COL4A1: variants seen among roughly 807,000 people sequenced by gnomAD.
COL4A1 encodes the protein collagen type IV alpha 1 chain, also known as collagen alpha-1(IV) chain.
COL4A1 carries 40 observed loss-of-function variants against 216.6 expected under a neutral mutation model. The observed-to-expected ratio is 0.18, with a 90% CI of 0.14 to 0.24. COL4A1 has a LOEUF of 0.24. Ranked by LOEUF, COL4A1 falls within the 10% of genes least tolerant of loss-of-function variation. COL4A1 has a pLI of 1.00. For missense variants in COL4A1, 1,628 were observed against 2,196.8 expected (o/e 0.74, Z 5.18); for synonymous variants, 839 against 810.7 (o/e 1.03, Z -0.59).
chr13:110,293,111 G>A (rs999932174), intron 1 of COL4A1, among the ~76,000 whole-genome samples: 9 of 152,158 alleles, frequency 5.9e-5, no homozygotes, highest in East Asian at 5.8e-4. Context: ...CAAGGTCACC[G>A]TGCAGGAACA....
chr13:110,173,783 G>T, intron 40 of COL4A1, 117 bp downstream of exon 40: 1 of 1,142,062 alleles, frequency 8.8e-7, no homozygotes, highest in Non-Finnish European at 1.3e-6. Flanking sequence ...TAGTTGCAGG[G>T]ATGTGCAGTC....
At chr13:110,210,284 A>G in intron 8 of COL4A1, 72 bp from the exon 9 acceptor site, 1 of 1,416,420 alleles carries the variant, frequency 7.1e-7, no homozygotes, top group Non-Finnish European at 9.9e-7. Context: ...AAACTCTTTG[A>G]TAGTTGGCAT....
At chr13:110,205,245 G>A (rs1000594697) in intron 17 of COL4A1, 108 bp downstream of exon 17, 2 of 1,330,740 alleles carry the variant, frequency 1.5e-6, no homozygotes, top group Non-Finnish European at 2.1e-6. Flanking sequence ...AAGCATAAAT[G>A]ATTTTTTTCC....
chr13:110,150,614 G>A (rs1022983641), intron 51 of COL4A1, among the ~76,000 whole-genome samples, 170 bp from the exon 52 acceptor site: 12 of 152,184 alleles, frequency 7.9e-5, no homozygotes, highest in East Asian at 1.9e-4. Context: ...GTGCACACAC[G>A]GTCCCACGCA....
chr13:110,269,162 G>C (rs758856148), intron 1 of COL4A1, among the ~76,000 whole-genome samples: 2 of 152,172 alleles, frequency 1.3e-5, no homozygotes, highest in African/African-American at 2.4e-5. Context: ...TTTAAGGAAA[G>C]TTCCAGAAAA....
At chr13:110,253,249 A>G (rs1426930849) in intron 1 of COL4A1, among the ~76,000 whole-genome samples, 1 of 140,706 alleles carries the variant, frequency 7.1e-6, no homozygotes, top group East Asian at 2.1e-4. Context: ...AGGTATATAT[A>G]CATATAATTA....
chr13:110,213,514 TGAA>T, intron 4 of COL4A1, among the ~76,000 whole-genome samples: 1 of 152,224 alleles, frequency 6.6e-6, no homozygotes, highest in East Asian at 1.9e-4. Context: ...AAGAGATTCC[TGAA>T]GAAGAACAAA....
At chr13:110,287,959 T>A (rs929886370) in intron 1 of COL4A1, among the ~76,000 whole-genome samples, 1 of 152,074 alleles carries the variant, frequency 6.6e-6, no homozygotes, top group African/African-American at 2.4e-5. Context: ...ATTGGTGAAT[T>A]CAAGAAGCCT....
At chr13:110,252,823 T>C (rs1436869162) in intron 1 of COL4A1, among the ~76,000 whole-genome samples, 1 of 133,852 alleles carries the variant, frequency 7.5e-6, no homozygotes, top group Non-Finnish European at 1.6e-5. Flanking sequence ...TATAAGTACG[T>C]ATGTATTACA....
At chr13:110,242,841 G>T in intron 1 of COL4A1, 107 bp from the exon 2 acceptor site, 2 of 1,230,348 alleles carry the variant, frequency 1.6e-6, no homozygotes, top group Non-Finnish European at 2.4e-6. Flanking sequence ...AGCGAAGCCT[G>T]CCCTGTCCTT....
chr13:110,210,498 A>G (rs1879741742), intron 8 of COL4A1, among the ~76,000 whole-genome samples: 1 of 151,954 alleles, frequency 6.6e-6, no homozygotes, highest in African/African-American at 2.4e-5. Context: ...ACCACCCCCA[A>G]CTCTAGACAA....
intron 2 of COL4A1, 55 bp downstream of exon 2, chr13:110,242,620 G>T: frequency 6.4e-7 from 1 of 1,556,350 alleles, no homozygotes; most frequent in Non-Finnish European, 8.9e-7. Context: ...TGTTAATGTA[G>T]TACTTACTGT....
chr13:110,232,999 G>C (rs1326617658), intron 2 of COL4A1, among the ~76,000 whole-genome samples: 2 of 152,176 alleles, frequency 1.3e-5, no homozygotes, highest in African/African-American at 4.8e-5. Flanking sequence ...GTTCGGGAAC[G>C]GGATGTGTGT....
intron 1 of COL4A1, among the ~76,000 whole-genome samples, chr13:110,251,280 T>C (rs532230661): frequency 1.3e-5 from 2 of 152,326 alleles, no homozygotes; most frequent in East Asian, 3.9e-4. Context: ...GCTTCTGCCT[T>C]CACTTTCAAC....
intron 1 of COL4A1, among the ~76,000 whole-genome samples, chr13:110,269,426 G>A (rs1279172111): frequency 6.6e-6 from 1 of 152,136 alleles, no homozygotes; most frequent in African/African-American, 2.4e-5. Context: ...TAGTTCACAG[G>A]CATGTAGAAA....
intron 1 of COL4A1, among the ~76,000 whole-genome samples, chr13:110,256,283 T>C (rs1198014403): frequency 6.6e-6 from 1 of 152,100 alleles, no homozygotes; most frequent in Non-Finnish European, 1.5e-5. Flanking sequence ...GAAAAACACA[T>C]CAAAAAAACT....
At chr13:110,302,087 A>T (rs1010819600) in intron 1 of COL4A1, among the ~76,000 whole-genome samples, 17 of 152,162 alleles carry the variant, frequency 1.1e-4, no homozygotes, top group Non-Finnish European at 1.9e-4. Flanking sequence ...AGGGAGTCCC[A>T]GCCGTGGGAA....
intron 2 of COL4A1, among the ~76,000 whole-genome samples, chr13:110,221,980 G>A (rs551252400): frequency 6.6e-6 from 1 of 152,124 alleles, no homozygotes; most frequent in East Asian, 1.9e-4. Flanking sequence ...CAGACAGTGC[G>A]TTCTCTGGAA....
intron 1 of COL4A1, among the ~76,000 whole-genome samples, chr13:110,272,215 T>C (rs1480612894): frequency 6.6e-6 from 1 of 152,248 alleles, no homozygotes; most frequent in Non-Finnish European, 1.5e-5. Flanking sequence ...AAGTCAGACC[T>C]CTTTTTCTTT....
Sources: gnomAD v4.1 joint callset for allele counts (sites outside exome capture counted in the v4.1 genomes callset) on GRCh38, gnomAD v4.1.1 for gene constraint, MANE v1.5 for transcripts, NCBI Gene and HGNC (gene_info 2026-07-23, HGNC 2026-07-21) for gene names.